The following RBM28 variants were observed in gnomAD, a reference collection of about 807,000 sequenced individuals.
RBM28 encodes RNA binding motif protein 28, also known as RNA-binding protein 28.
A neutral mutation model predicts 98.3 loss-of-function variants in RBM28; 78 were observed. That is an observed-to-expected ratio of 0.79 (90% CI 0.66 to 0.96). The LOEUF is 0.96. Ranked by LOEUF, RBM28 falls within the 40% of genes least tolerant of loss-of-function variation. The pLI is 0.00. For synonymous variants in RBM28, 306 were observed against 330.9 expected, an observed-to-expected ratio of 0.92 and a Z score of 0.82; for missense variants, 838 against 913.0, an observed-to-expected ratio of 0.92 and a Z score of 1.06.
chr7:128,320,232 AAAAGAAAG>A (rs59309163), intron 14 of RBM28, among the ~76,000 whole-genome samples: 1 of 64,136 alleles, frequency 1.6e-5, no homozygotes, highest in Non-Finnish European at 2.8e-5. Context: ...AAAAAAAAAA[AAAAGAAAG>A]AAAGAAAGAA....
rs757858856 is a variant in RBM28 at position 128,321,227 on chromosome 7, C to A, written c.1563+39G>T. 6.2e-6 allele frequency: 10 copies of A among 1,613,078 alleles called. No individual in the cohort carries two copies. In the South Asian group the frequency reaches 1.1e-4, roughly 18 times the overall value. ...GGAAATGCTTGATCTGACCCAAGAT[C>A]AGAATGAAAGCTCCAAAATGGTCAG... On this transcript the variant is annotated intron_variant, in intron 14 of 18. Coordinates refer to ENST00000223073, the MANE Select transcript of RBM28 (RefSeq NM_018077.3).
At position 128,318,456 on chromosome 7, in the gene RBM28, C is replaced by G. The variant is rs147740889; in HGVS notation, c.1564-350G>C. 4.5e-3 allele frequency among the ~76,000 whole-genome samples: 629 copies of G among 139,390 alleles called. 6 individuals are homozygous for G. The highest frequency in any genetic ancestry group is 0.016 in the African/African-American group (601 of 37,386). 91.4% of individuals were successfully genotyped at this position (139,390 alleles called of 152,430 possible). A position where few individuals can be genotyped will look rare whatever the true frequency, so the allele number is the denominator to read the frequency against. Reference sequence around the variant, plus strand: ...CACCACTGCACTCCAGCCTGGGCAACAGAGTGAGACCCTGTCTCAAAAAAA... The same window carrying G: ...CACCACTGCACTCCAGCCTGGGCAAGAGAGTGAGACCCTGTCTCAAAAAAA... On this transcript the variant is annotated intron_variant, in intron 14 of 18. Transcript: ENST00000223073.
rs1562959323 is a variant in RBM28 at position 128,338,322 on chromosome 7, CA to C, written c.468del (p.Phe156LeufsTer10). On this transcript the variant is annotated frameshift_variant, in exon 5 of 19. Transcript: ENST00000223073. LOFTEE classifies it high-confidence loss of function. ...PRKPDGKMRG[F>X]GFVQFKNLLE... ...AGGAGGTTTTTGAACTGAACAAAAC[CA>C]AAACCGCGCATCTTCCCATCTGTGT... The C allele has an allele frequency of 6.2e-7, 1 of 1,613,976 alleles. No homozygotes were observed. The highest frequency in any genetic ancestry group is 1.7e-5 in the Admixed American group (1 of 60,020).
rs1283400485 is a variant in RBM28 at position 128,298,397 on chromosome 7, CCT to C, written c.*12398_*12399del. ...CCCCGGCAGCCCAGCTGTTAAAATT[CCT>C]CTCTTTGTACTATTTCTCTTTATTT... On this transcript the variant is annotated 3_prime_UTR_variant, in exon 19 of 19. Coordinates refer to ENST00000223073, the MANE Select transcript of RBM28 (RefSeq NM_018077.3). 2.6e-5 allele frequency: 4 copies of C among 152,096 alleles called. No homozygotes were observed. Among genetic ancestry groups the C allele is most frequent in the Admixed American group, 2.6e-4 (4 of 15,270 alleles). 9.4% of individuals were successfully genotyped at this position (152,096 alleles called of 1,614,324 possible). A position where few individuals can be genotyped will look rare whatever the true frequency, so the allele number is the denominator to read the frequency against.
At chr7:128,323,402 CA>C in intron 13 of RBM28, 124 bp downstream of exon 13, 1 of 1,105,252 alleles carries the variant, frequency 9.0e-7, no homozygotes, top group East Asian at 2.4e-5. Context: ...TTCTCCCTAA[CA>C]GGGCAATAAG....
At chr7:128,323,624 A>C (rs1352603942) in intron 12 of RBM28, 33 bp from the exon 13 acceptor site, 9 of 1,612,734 alleles carry the variant, frequency 5.6e-6, no homozygotes, top group Non-Finnish European at 7.6e-6. Context: ...CAAGACATCA[A>C]CAAGGGAATT....
chr7:128,338,660 T>C (rs999513706), intron 4 of RBM28, 66 bp downstream of exon 4: 2 of 1,154,332 alleles, frequency 1.7e-6, no homozygotes, highest in Non-Finnish European at 2.6e-6. Context: ...ATATATATCA[T>C]ATATGTTTGT....
chr7:128,325,925 A>G, intron 10 of RBM28, 34 bp from the exon 11 acceptor site: 1 of 1,535,696 alleles, frequency 6.5e-7, no homozygotes, highest in Non-Finnish European at 9.0e-7. Flanking sequence ...TGAGATCCCA[A>G]ACTCCCACAG....
intron 17 of RBM28, among the ~76,000 whole-genome samples, chr7:128,314,011 A>G (rs1222332060): frequency 6.6e-6 from 1 of 151,380 alleles, no homozygotes; most frequent in Non-Finnish European, 1.5e-5. Context: ...CGCCCAGGCC[A>G]GAGTGCAGTG....
At chr7:128,336,179 C>T (rs1562958465) in intron 6 of RBM28, 137 bp from the exon 7 acceptor site, 1 of 796,078 alleles carries the variant, frequency 1.3e-6, no homozygotes, top group South Asian at 1.7e-5. Flanking sequence ...CTGCATATAA[C>T]AGGAGAAAGT....
chr7:128,326,162 G>A (rs550301776), intron 10 of RBM28, among the ~76,000 whole-genome samples: 291 of 152,240 alleles, frequency 1.9e-3, no homozygotes, highest in Middle Eastern at 0.014. Flanking sequence ...AAATTAGCCA[G>A]GCGTGGTGGC....
At chr7:128,315,840 C>A (rs1013066053) in intron 16 of RBM28, among the ~76,000 whole-genome samples, 1 of 151,996 alleles carries the variant, frequency 6.6e-6, no homozygotes, top group East Asian at 1.9e-4. Context: ...GCAAGAAATG[C>A]GAAATAATCT....
chr7:128,343,460 T>C (rs532053062), intron 1 of RBM28, among the ~76,000 whole-genome samples: 8 of 152,304 alleles, frequency 5.3e-5, no homozygotes, highest in African/African-American at 1.7e-4. Context: ...GCGCGCATAA[T>C]CAACAGAAAG....
chr7:128,332,356 ATT>A (rs573108717), intron 9 of RBM28, among the ~76,000 whole-genome samples: 46 of 145,980 alleles, frequency 3.2e-4, no homozygotes, highest in African/African-American at 1.0e-3. Context: ...AAGAAAACAA[ATT>A]TTTTTTTTTT....
chr7:128,300,886 C>G lies in RBM28; in HGVS notation c.*9911G>C, dbSNP rs1795773467. On this transcript the variant is annotated 3_prime_UTR_variant, in exon 19 of 19. Coordinates refer to ENST00000223073, the MANE Select transcript of RBM28 (RefSeq NM_018077.3). ...CACAGCGCTCCACCCCTAGGGCCTG[C>G]TTAAATGGCACAGCCAGCTCCTCAG... is the stretch of plus-strand genomic sequence containing the variant. 1 of 152,338 alleles carries G rather than the reference C, an allele frequency of 6.6e-6. No individual in the cohort carries two copies. The highest frequency in any genetic ancestry group is 2.4e-5 in the African/African-American group (1 of 41,454). 9.4% of individuals were successfully genotyped at this position (152,338 alleles called of 1,614,324 possible).
At chr7:128,325,040 A>G (rs941267389) in intron 11 of RBM28, among the ~76,000 whole-genome samples, 1 of 152,058 alleles carries the variant, frequency 6.6e-6, no homozygotes, top group African/African-American at 2.4e-5. Flanking sequence ...AAAAAATAAC[A>G]AAACAAAACA....
At position 128,299,883 on chromosome 7, in the gene RBM28, T is replaced by C. The variant is rs1795757821; in HGVS notation, c.*10914A>G. 2 of 152,226 alleles carry C rather than the reference T, an allele frequency of 1.3e-5. No homozygotes were observed. Among genetic ancestry groups the C allele is most frequent in the African/African-American group, 2.4e-5 (1 of 41,458 alleles). The allele number at this position is 152,226 out of a possible 1,614,324, so 9.4% of individuals were successfully genotyped here. On this transcript the variant is annotated 3_prime_UTR_variant, in exon 19 of 19. Coordinates refer to ENST00000223073, the MANE Select transcript of RBM28 (RefSeq NM_018077.3). ...AGAGGGAAATTTGGACATAGACCTA[T>C]AGACACAGGGAGAAGATGGCCATGT...
At chr7:128,343,095 T>C (rs1009566944) in intron 1 of RBM28, among the ~76,000 whole-genome samples, 1 of 152,224 alleles carries the variant, frequency 6.6e-6, no homozygotes, top group Non-Finnish European at 1.5e-5. Context: ...AAGATTTTTT[T>C]GGTTTGGTGT....
intron 12 of RBM28, 89 bp downstream of exon 12, chr7:128,324,442 TAAAGAGAACATTTGGGTTTTTAATTTGA>T: frequency 7.0e-7 from 1 of 1,428,394 alleles, no homozygotes; most frequent in Non-Finnish European, 9.9e-7. Context: ...ATAACACTGT[TAAAGAGAACATTTGGGTTTTTAATTTGA>T]AACATGCTTC....
Sources: allele counts gnomAD v4.1 joint callset (sites outside exome capture counted in the v4.1 genomes callset), GRCh38; gene constraint gnomAD v4.1.1; transcripts MANE v1.5; gene names NCBI Gene and HGNC (gene_info 2026-07-23, HGNC 2026-07-21).